Variants in MYO18A observed in about 807,000 individuals in gnomAD.
MYO18A encodes the protein unconventional myosin-XVIIIa.
MYO18A carries 78 observed loss-of-function variants against 235.8 expected under a neutral mutation model. The observed-to-expected ratio is 0.33, with a 90% confidence interval of 0.28 to 0.40. The LOEUF is 0.40. Among genes scored for constraint, MYO18A ranks in the 10% least tolerant of loss-of-function variants. MYO18A has a pLI of 1.00. For missense variants in MYO18A, 2,215 were observed against 2,699.3 expected, an observed-to-expected ratio of 0.82 and a Z score of 3.98; for synonymous variants, 977 against 1,077.8, an observed-to-expected ratio of 0.91 and a Z score of 1.83.
chr17:29,105,376 G>A (rs1044586699), intron 20 of MYO18A, among the ~76,000 whole-genome samples: 2 of 151,938 alleles, frequency 1.3e-5, no homozygotes, highest in Non-Finnish European at 2.9e-5. Context: ...CTTCCAGAGA[G>A]CAAAACCTGC....
intron 41 of MYO18A, chr17:29,079,615 T>A (rs1172078627): frequency 1.3e-6 from 1 of 744,240 alleles, no homozygotes; most frequent in Non-Finnish European, 1.6e-6. Context: ...AGGCCAGGCA[T>A]GCCCGAGAGG....
At chr17:29,128,030 G>A in intron 2 of MYO18A, 3 of 1,014,616 alleles carry the variant, frequency 3.0e-6, no homozygotes, top group Non-Finnish European at 3.5e-6. Flanking sequence ...CCAGTCTGGG[G>A]AGCCTGGCTC....
intron 27 of MYO18A, 85 bp downstream of exon 27, chr17:29,097,138 C>G (rs974360052): frequency 3.1e-5 from 48 of 1,555,498 alleles, no homozygotes; most frequent in Non-Finnish European, 4.1e-5. Flanking sequence ...GGCCTGCCTG[C>G]CCCCAGAGTT....
intron 2 of MYO18A, among the ~76,000 whole-genome samples, chr17:29,144,457 C>T (rs1000827610): frequency 6.6e-6 from 1 of 152,206 alleles, no homozygotes; most frequent in Non-Finnish European, 1.5e-5. Flanking sequence ...CCCTGAAACC[C>T]AAGACCCACC....
chr17:29,080,929 C>T (rs1388409244), intron 41 of MYO18A: 4 of 985,314 alleles, frequency 4.1e-6, no homozygotes, highest in East Asian at 2.3e-4. Flanking sequence ...TAGGGTGAGC[C>T]GCTTCCGATA....
At chr17:29,081,672 C>T (rs1411231040) in intron 41 of MYO18A, among the ~76,000 whole-genome samples, 1 of 152,112 alleles carries the variant, frequency 6.6e-6, no homozygotes, top group Non-Finnish European at 1.5e-5. Flanking sequence ...TTCTTTCTCC[C>T]TGCTGCCACA....
rs1421147772 is a variant in MYO18A at position 29,111,927 on chromosome 17, G to A, written c.2599-64C>T. ...GCTGTGGGAAAGGGGCCAGGGTGGT[G>A]CCGGGCCCAAACACACCCTACAGAA... On this transcript the variant is annotated intron_variant, in intron 15 of 41. Coordinates refer to ENST00000527372, the MANE Select transcript of MYO18A (RefSeq NM_078471.4). The surrounding 1 kb of genome is among the most constrained non-coding windows in gnomAD (Gnocchi z 5.1). The A allele has an allele frequency of 1.9e-6, 3 of 1,553,846 alleles. No homozygotes were observed. Among genetic ancestry groups the A allele is most frequent in the Non-Finnish European group, 2.6e-6 (3 of 1,149,882 alleles).
At position 29,118,707 on chromosome 17, in the gene MYO18A, C is replaced by A. The variant is rs1365064279; in HGVS notation, c.1830-267G>T. Among the ~76,000 whole-genome samples, 1 of 152,256 alleles carries A rather than the reference C, an allele frequency of 6.6e-6. No individual in the cohort carries two copies. Among genetic ancestry groups the A allele is most frequent in the African/African-American group, 2.4e-5 (1 of 41,468 alleles). On this transcript the variant is annotated intron_variant, in intron 8 of 41. Coordinates refer to ENST00000527372, the MANE Select transcript of MYO18A (RefSeq NM_078471.4). This position sits in a 1 kb window ranked among gnomAD's most constrained non-coding sequence, Gnocchi z 4.2. Reference sequence around the variant, plus strand: ...CCCCCGGAAGGGAGCAGGGAACCTGCCCGAAGGGTGAGTCCCGCCAAGGCA... The same window carrying A: ...CCCCCGGAAGGGAGCAGGGAACCTGACCGAAGGGTGAGTCCCGCCAAGGCA...
intron 21 of MYO18A, among the ~76,000 whole-genome samples, chr17:29,100,573 G>A (rs181263586): frequency 2.0e-5 from 3 of 152,312 alleles, no homozygotes; most frequent in South Asian, 2.1e-4. Context: ...GATAGGGCTC[G>A]GTAAAATTTG....
intron 41 of MYO18A, chr17:29,080,127 G>C: frequency 4.1e-6 from 4 of 985,968 alleles, no homozygotes; most frequent in Non-Finnish European, 4.8e-6. Flanking sequence ...CGGAGCGGCG[G>C]ATGCTGGCAG....
At chr17:29,138,719 C>T (rs1426688634) in intron 2 of MYO18A, among the ~76,000 whole-genome samples, 1 of 152,186 alleles carries the variant, frequency 6.6e-6, no homozygotes, top group African/African-American at 2.4e-5. Context: ...CTCAGAAGGT[C>T]AGGTGACTCG....
chr17:29,105,989 T>C (rs753933893), intron 20 of MYO18A, among the ~76,000 whole-genome samples: 2 of 152,024 alleles, frequency 1.3e-5, no homozygotes, highest in Non-Finnish European at 2.9e-5. Context: ...GCCGAGTGAC[T>C]GCAGAGTGAA....
chr17:29,169,374 A>C (rs2068350372), intron 1 of MYO18A, among the ~76,000 whole-genome samples: 1 of 152,160 alleles, frequency 6.6e-6, no homozygotes, highest in South Asian at 2.1e-4. Flanking sequence ...TCTAAATGCT[A>C]CATGCACAGT....
chr17:29,114,076 C>G lies in MYO18A; in HGVS notation c.2533G>C (p.Asp845His). 6.2e-7 allele frequency: 1 copy of G among 1,600,478 alleles called. No homozygotes were observed. ...YKEENIELAF[D>H]DLEPPTDDSV... The stretch of plus-strand genomic sequence containing the variant: ...TCATCCGTCGGGGGTTCCAAGTCGT[C>G]AAACGCCAGCTCGATGTTCTCCTGG... The change falls in exon 15 of 42, where the codon GAC (aspartate) becomes CAC (histidine). Residue 845 changes from aspartate to histidine, a missense_variant. Asp to His is a moderately conservative substitution (Grantham distance 81). Coordinates refer to ENST00000527372, the MANE Select transcript of MYO18A (RefSeq NM_078471.4).
intron 15 of MYO18A, among the ~76,000 whole-genome samples, chr17:29,113,083 C>T (rs1476516895): frequency 6.6e-6 from 1 of 152,228 alleles, no homozygotes; most frequent in East Asian, 1.9e-4. Context: ...CCCCCTCTCC[C>T]GGGAACCACA....
chr17:29,157,573 C>G (rs1448831855), intron 2 of MYO18A, among the ~76,000 whole-genome samples: 1 of 152,240 alleles, frequency 6.6e-6, no homozygotes, highest in Non-Finnish European at 1.5e-5. Context: ...CAACCTTACA[C>G]AATTTGCCTA....
At chr17:29,142,005 C>T (rs1041499696) in intron 2 of MYO18A, among the ~76,000 whole-genome samples, 8 of 152,138 alleles carry the variant, frequency 5.3e-5, no homozygotes, top group Non-Finnish European at 8.8e-5. Flanking sequence ...AGTGCAGTGG[C>T]GTGATCTCGG....
rs552617144 is a variant in MYO18A at position 29,140,179 on chromosome 17, C to T, written c.1000-17926G>A. 3.3e-5 allele frequency among the ~76,000 whole-genome samples: 5 copies of T among 152,244 alleles called. No homozygotes were observed. In the South Asian group the frequency reaches 1.0e-3, roughly 32 times the overall value. On this transcript the variant is annotated intron_variant, in intron 2 of 41. Transcript: ENST00000527372. The surrounding 1 kb of genome is among the most constrained non-coding windows in gnomAD (Gnocchi z 4.2). ...CCGGGGCTGAGTAACTCCCTTCTTACCAAGAAGCTCGGAGAGGAGCCCCAA... is the reference window on the plus strand; with the variant it reads ...CCGGGGCTGAGTAACTCCCTTCTTATCAAGAAGCTCGGAGAGGAGCCCCAA...
chr17:29,101,629 A>T (rs2066654039), intron 21 of MYO18A, among the ~76,000 whole-genome samples: 1 of 151,326 alleles, frequency 6.6e-6, no homozygotes, highest in South Asian at 2.1e-4. Context: ...ATTTCATATA[A>T]TGTGCAAGCC....
Sources: gnomAD v4.1 joint callset for allele counts (sites outside exome capture counted in the v4.1 genomes callset) on GRCh38, gnomAD v4.1.1 for gene constraint, Gnocchi (gnomAD v3.1) non-coding constraint, MANE v1.5 for transcripts, NCBI Gene and HGNC (gene_info 2026-07-23, HGNC 2026-07-21) for gene names.